Variants in CAPZA2 observed in about 807,000 individuals in gnomAD.
The protein encoded by CAPZA2 is F-actin-capping protein subunit alpha-2.
Under a neutral mutation model 44.0 loss-of-function variants are expected in CAPZA2, and 13 were observed. That is an observed-to-expected ratio of 0.30 (90% CI 0.19 to 0.47). The LOEUF is 0.47. Among genes scored for constraint, CAPZA2 ranks in the 20% least tolerant of loss-of-function variants. The pLI is 1.00. For missense variants in CAPZA2, 244 were observed against 338.6 expected, an observed-to-expected ratio of 0.72 and a Z score of 2.19; for synonymous variants, 94 against 108.2, an observed-to-expected ratio of 0.87 and a Z score of 0.81.
chr7:116,915,903 C>T, intron 8 of CAPZA2, 157 bp from the exon 9 acceptor site: 2 of 499,358 alleles, frequency 4.0e-6, no homozygotes, highest in Non-Finnish European at 6.6e-6. Flanking sequence ...CCTATTTTCC[C>T]CTTAGACTTA....
At chr7:116,913,847 C>A (rs1052162000) in intron 8 of CAPZA2, among the ~76,000 whole-genome samples, 3 of 143,488 alleles carry the variant, frequency 2.1e-5, no homozygotes, top group African/African-American at 5.2e-5. Context: ...CTCCTGGACT[C>A]ATGCAGTTTA....
chr7:116,869,706 T>G lies in CAPZA2; in HGVS notation c.39+7056T>G, dbSNP rs112529116. Among the ~76,000 whole-genome samples the G allele has an allele frequency of 9.6e-4, 146 of 152,376 alleles. 1 individual carries two copies. Among genetic ancestry groups the G allele is most frequent in the African/African-American group, 3.4e-3 (140 of 41,582 alleles). ...GGTGTTGAATGTGGAGGCTTTGTACTGCATCTCATTCATTCCATGTATGTC... is the reference window on the plus strand; with the variant it reads ...GGTGTTGAATGTGGAGGCTTTGTACGGCATCTCATTCATTCCATGTATGTC... On this transcript the variant is annotated intron_variant, in intron 1 of 9. Coordinates refer to ENST00000361183, the MANE Select transcript of CAPZA2 (RefSeq NM_006136.3).
Position 116,917,948 on chromosome 7 carries a change from C to A in CAPZA2, c.*81C>A. 8.4e-7 allele frequency: 1 copy of A among 1,184,028 alleles called. No homozygotes were observed. The highest frequency in any genetic ancestry group is 1.2e-6 in the Non-Finnish European group (1 of 804,548). The allele number at this position is 1,184,028 out of a possible 1,614,324, so 73.3% of individuals were successfully genotyped here. On this transcript the variant is annotated 3_prime_UTR_variant, in exon 10 of 10. Coordinates refer to ENST00000361183, the MANE Select transcript of CAPZA2 (RefSeq NM_006136.3). ...AAAAGTATTCTGAACTGTCAAGCTG[C>A]CCAGTCAGATGGGCTGTTGCCATTT... is the stretch of plus-strand genomic sequence containing the variant.
chr7:116,904,597 G>A (rs1791462408), intron 5 of CAPZA2: 3 of 466,834 alleles, frequency 6.4e-6, no homozygotes, highest in African/African-American at 5.9e-5. Context: ...GTTGTACCTT[G>A]ATTTAAATCC....
intron 7 of CAPZA2, among the ~76,000 whole-genome samples, chr7:116,911,405 T>C (rs1031981593): frequency 6.6e-6 from 1 of 152,162 alleles, no homozygotes; most frequent in African/African-American, 2.4e-5. Flanking sequence ...CCAGACATAT[T>C]TGCATGACAT....
At chr7:116,877,745 C>G (rs1796640472) in intron 1 of CAPZA2, among the ~76,000 whole-genome samples, 1 of 152,150 alleles carries the variant, frequency 6.6e-6, no homozygotes, top group Non-Finnish European at 1.5e-5. Context: ...TTAGAAGAGC[C>G]TTATATATCA....
intron 5 of CAPZA2, among the ~76,000 whole-genome samples, chr7:116,905,480 A>G (rs901759028): frequency 7.9e-5 from 12 of 151,768 alleles, no homozygotes; most frequent in Admixed American, 1.3e-4. Context: ...TTCTCAATGT[A>G]ATTATTAATA....
intron 9 of CAPZA2, among the ~76,000 whole-genome samples, chr7:116,916,824 C>G (rs1277227386): frequency 6.6e-6 from 1 of 152,194 alleles, no homozygotes; most frequent in Non-Finnish European, 1.5e-5. Context: ...TGAGCATTGC[C>G]TTTGAGTGTC....
intron 7 of CAPZA2, among the ~76,000 whole-genome samples, chr7:116,911,443 A>C (rs900607253): frequency 6.6e-6 from 1 of 152,184 alleles, no homozygotes; most frequent in Admixed American, 6.5e-5. Flanking sequence ...CTGGTTTGCT[A>C]CCTGTATATA....
chr7:116,911,478 A>G (rs1386146842), intron 7 of CAPZA2, among the ~76,000 whole-genome samples: 1 of 152,076 alleles, frequency 6.6e-6, no homozygotes, highest in East Asian at 1.9e-4. Flanking sequence ...ACTCTCCCCA[A>G]CTTCACATAC....
chr7:116,862,589 C>T lies in CAPZA2; in HGVS notation c.-23C>T, dbSNP rs775528591. Reference sequence around the variant, plus strand: ...AGGTGGCCGCTGCCGCCGCCGCCGCCGCGGTTTGTCGCCAGAAGGAAGATG... The same window carrying T: ...AGGTGGCCGCTGCCGCCGCCGCCGCTGCGGTTTGTCGCCAGAAGGAAGATG... On this transcript the variant is annotated 5_prime_UTR_variant, in exon 1 of 10. Coordinates refer to ENST00000361183, the MANE Select transcript of CAPZA2 (RefSeq NM_006136.3). 3.1e-5 allele frequency: 47 copies of T among 1,535,646 alleles called. No homozygotes were observed. In the Admixed American group the frequency reaches 9.0e-4, roughly 29 times the overall value.
intron 1 of CAPZA2, chr7:116,880,190 AT>A: frequency 2.3e-6 from 1 of 444,348 alleles, no homozygotes; most frequent in South Asian, 1.7e-5. Context: ...AAAAGTACTC[AT>A]TTGTCTTGCT....
intron 1 of CAPZA2, among the ~76,000 whole-genome samples, chr7:116,881,961 GT>G (rs1205072502): frequency 2.0e-5 from 3 of 151,974 alleles, no homozygotes; most frequent in African/African-American, 7.3e-5. Flanking sequence ...AGTTTAGTTT[GT>G]TTCCTGATAA....
chr7:116,879,124 C>CA (rs71148337), intron 1 of CAPZA2, among the ~76,000 whole-genome samples: 1,662 of 45,148 alleles, frequency 0.037, 139 homozygotes, highest in African/African-American at 0.078. Context: ...AACTCTGTCT[C>CA]AAAAAAAAAA....
In CAPZA2 at chr7:116,888,311, A is replaced by G. The variant is rs933051279; in HGVS notation, c.103+121A>G. The G allele has an allele frequency of 6.2e-5, 38 of 612,262 alleles. No individual in the cohort carries two copies. In the African/African-American group the frequency reaches 7.1e-4, roughly 11 times the overall value. The allele number at this position is 612,262 out of a possible 1,614,324, so 37.9% of individuals were successfully genotyped here. ...AAAAATCTGTGTTTTCTGAATTACAATGACAATATGTTAGTCTGGATTTTG... is the reference window on the plus strand; with the variant it reads ...AAAAATCTGTGTTTTCTGAATTACAGTGACAATATGTTAGTCTGGATTTTG... On this transcript the variant is annotated intron_variant, in intron 2 of 9. Coordinates refer to ENST00000361183, the MANE Select transcript of CAPZA2 (RefSeq NM_006136.3).
chr7:116,909,603 A>C (rs1791560698), intron 6 of CAPZA2, among the ~76,000 whole-genome samples: 1 of 152,046 alleles, frequency 6.6e-6, no homozygotes, highest in Non-Finnish European at 1.5e-5. Context: ...AACTCATGTT[A>C]ATAAGTATAG....
chr7:116,898,126 C>G (rs1796950971), intron 3 of CAPZA2, among the ~76,000 whole-genome samples: 1 of 152,124 alleles, frequency 6.6e-6, no homozygotes, highest in Admixed American at 6.6e-5. Flanking sequence ...TACGGTCACT[C>G]TGCTCTTTTC....
intron 1 of CAPZA2, among the ~76,000 whole-genome samples, chr7:116,877,550 CATT>C (rs1317840211): frequency 6.6e-6 from 1 of 152,144 alleles, no homozygotes; most frequent in Non-Finnish European, 1.5e-5. Context: ...TAGTAATAGC[CATT>C]ATTTGAGTGC....
Position 116,868,421 on chromosome 7 carries a change from T to C in CAPZA2, c.39+5771T>C, listed in dbSNP as rs532545022. Among the ~76,000 whole-genome samples the C allele has an allele frequency of 3.9e-5, 6 of 152,344 alleles. No homozygotes were observed. The East Asian group carries it at 1.2e-3, about 29-fold the overall frequency. ...TATAAGCTGCCATTGTATTTCATAA[T>C]ATTAATGTAAAATTAGAAATGTTTT... On this transcript the variant is annotated intron_variant, in intron 1 of 9. Transcript: ENST00000361183.
Sources: allele counts gnomAD v4.1 joint callset (sites outside exome capture counted in the v4.1 genomes callset), GRCh38; gene constraint gnomAD v4.1.1; transcripts MANE v1.5; gene names NCBI Gene and HGNC (gene_info 2026-07-23, HGNC 2026-07-21).